The following EPB41 variants were observed in gnomAD, a reference collection of about 807,000 sequenced individuals.
EPB41 encodes protein 4.1.
A neutral mutation model predicts 108.0 loss-of-function variants in EPB41; 65 were observed. That is an observed-to-expected ratio of 0.60 (90% CI 0.49 to 0.74). The LOEUF (loss-of-function observed/expected upper bound fraction) is 0.74, where lower values mean the gene tolerates loss of function less well. Ranked by LOEUF, EPB41 falls within the 30% of genes least tolerant of loss-of-function variation. The pLI, the probability that EPB41 is intolerant of heterozygous loss-of-function variation, is 0.00. For synonymous variants in EPB41, 336 were observed against 358.9 expected (o/e 0.94, Z 0.72); for missense variants, 875 against 1,037.0 (o/e 0.84, Z 2.15).
At chr1:28,929,843 CTTTTTTTTT>C (rs56337991) in intron 1 of EPB41, among the ~76,000 whole-genome samples, 21 of 101,872 alleles carry the variant, frequency 2.1e-4, no homozygotes, top group South Asian at 6.7e-4. Context: ...ACTGGGCCTT[CTTTTTTTTT>C]TTTTTTTTTT....
At chr1:29,096,740 C>T (rs1310504181) in intron 16 of EPB41, 2 of 280,942 alleles carry the variant, frequency 7.1e-6, no homozygotes, top group Admixed American at 6.5e-5. Flanking sequence ...GACTAAAAGC[C>T]TTTGATTGTG....
intron 15 of EPB41, among the ~76,000 whole-genome samples, chr1:29,064,049 T>C (rs1482187286): frequency 6.6e-6 from 1 of 152,114 alleles, no homozygotes; most frequent in Non-Finnish European, 1.5e-5. Flanking sequence ...TCAAATTTGC[T>C]AGGATATATA....
chr1:29,039,350 T>C lies in EPB41; in HGVS notation c.1560T>C (p.Ala520=), dbSNP rs776114250. 4 of 1,614,172 alleles carry C rather than the reference T, an allele frequency of 2.5e-6. No homozygotes were observed. The Admixed American group carries it at 6.7e-5, about 27-fold the overall frequency. Residue 520 remains alanine (A), a synonymous_variant, in exon 11 of 21, where the codon GCT becomes GCC. Coordinates refer to ENST00000343067, the MANE Select transcript of EPB41 (RefSeq NM_001376013.1). ...GGACTCAAGCTCAGACCAGGCAAGCTAGTGCTCTAATTGACAGGCCTGCCC... is the reference window on the plus strand; with the variant it reads ...GGACTCAAGCTCAGACCAGGCAAGCCAGTGCTCTAATTGACAGGCCTGCCC... ...SGRTQAQTRQ[A]SALIDRPAPH...
intron 4 of EPB41, among the ~76,000 whole-genome samples, chr1:29,000,476 A>T (rs922803416): frequency 2.0e-5 from 3 of 152,252 alleles, no homozygotes; most frequent in African/African-American, 7.2e-5. Flanking sequence ...AAGTGTTGTT[A>T]AAAGTGCTTA....
intron 15 of EPB41, among the ~76,000 whole-genome samples, chr1:29,064,066 A>G (rs1220904579): frequency 6.6e-6 from 1 of 152,164 alleles, no homozygotes; most frequent in East Asian, 1.9e-4. Context: ...TATACCTACT[A>G]TATACCCACA....
At chr1:28,913,741 G>A (rs1039762447), upstream of EPB41, among the ~76,000 whole-genome samples, 1 of 152,170 alleles carries the variant, frequency 6.6e-6, no homozygotes, top group Admixed American at 6.5e-5. Flanking sequence ...TGCACTGTGG[G>A]TCCGAAGCCT....
At position 28,925,875 on chromosome 1, in the gene EPB41, C is replaced by T. The variant is rs78513137; in HGVS notation, c.-8+11107C>T. 7.2e-3 allele frequency among the ~76,000 whole-genome samples: 1,090 copies of T among 152,076 alleles called. 13 individuals carry two copies. Among genetic ancestry groups the T allele is most frequent in the African/African-American group, 0.026 (1,058 of 41,464 alleles). ...ATTTTGAGCAGAGGAATGGCACGAT[C>T]CTTCATTTAGTACATGTTAAGTGAG... On this transcript the variant is annotated intron_variant, in intron 1 of 20. Coordinates refer to ENST00000343067, the MANE Select transcript of EPB41 (RefSeq NM_001376013.1).
At chr1:29,036,038 G>A in intron 10 of EPB41, 115 bp downstream of exon 10, 1 of 776,532 alleles carries the variant, frequency 1.3e-6, no homozygotes, top group South Asian at 1.6e-5. Flanking sequence ...TTTAGCTCAG[G>A]TGAGATCATC....
chr1:29,061,354 C>G (rs1646486502), intron 15 of EPB41, among the ~76,000 whole-genome samples: 1 of 152,026 alleles, frequency 6.6e-6, no homozygotes, highest in African/African-American at 2.4e-5. Context: ...ACTGCAAGCT[C>G]CGCTTCCCGG....
chr1:29,084,869 A>G (rs982755605), intron 16 of EPB41, among the ~76,000 whole-genome samples: 2 of 152,128 alleles, frequency 1.3e-5, no homozygotes, highest in Non-Finnish European at 2.9e-5. Flanking sequence ...CTAAAATATA[A>G]TGAGGACCTG....
rs1671257483 is a variant in EPB41 at position 29,117,912 on chromosome 1, G to A, written c.*1100G>A. 6.6e-6 allele frequency: 1 copy of A among 152,494 alleles called. No homozygotes were observed. The highest frequency in any genetic ancestry group is 1.5e-5 in the Non-Finnish European group (1 of 68,048). The allele number at this position is 152,494 out of a possible 1,614,324, so 9.4% of individuals were successfully genotyped here. ...TTCTAGAGCAAGGAATTGACTTTTAGGAGCCGTTCTCCCCACAAGACACCA... is the reference window on the plus strand; with the variant it reads ...TTCTAGAGCAAGGAATTGACTTTTAAGAGCCGTTCTCCCCACAAGACACCA... On this transcript the variant is annotated 3_prime_UTR_variant, in exon 21 of 21. Coordinates refer to ENST00000343067, the MANE Select transcript of EPB41 (RefSeq NM_001376013.1).
At chr1:28,953,969 C>G (rs1216230483) in intron 1 of EPB41, among the ~76,000 whole-genome samples, 2 of 152,158 alleles carry the variant, frequency 1.3e-5, no homozygotes, top group Non-Finnish European at 2.9e-5. Flanking sequence ...GGGGACCACA[C>G]TTTGAGAACT....
intron 11 of EPB41, among the ~76,000 whole-genome samples, chr1:29,044,174 C>G (rs1046039697): frequency 6.6e-6 from 1 of 152,128 alleles, no homozygotes; most frequent in Non-Finnish European, 1.5e-5. Context: ...GGGGAATTAT[C>G]TTTTTATCCC....
At chr1:29,023,171 T>A (rs1042859407) in intron 7 of EPB41, among the ~76,000 whole-genome samples, 1 of 151,636 alleles carries the variant, frequency 6.6e-6, no homozygotes, top group Admixed American at 6.6e-5. Flanking sequence ...ACTTTTGTAT[T>A]TTTAGCAGAG....
chr1:29,060,540 T>C, intron 15 of EPB41, 56 bp downstream of exon 15: 1 of 1,460,282 alleles, frequency 6.8e-7, no homozygotes, highest in Non-Finnish European at 9.6e-7. Flanking sequence ...TCTGCATTCT[T>C]TGCTGATCCC....
In EPB41 at chr1:28,899,926, C is replaced by T. The variant is rs545707751; in HGVS notation, c.-8+12716C>T. 2.0e-5 allele frequency among the ~76,000 whole-genome samples: 3 copies of T among 152,270 alleles called. No homozygotes were observed. The East Asian group carries it at 5.8e-4, about 29-fold the overall frequency. ...TGAGACCTCTAGCAAGTTGTTTTAC[C>T]TAAGTGAGCTTCAGTTTTTTCCCCT... On this transcript the variant is annotated intron_variant, in intron 1 of 16. Coordinates refer to the EPB41 transcript ENST00000347529.
chr1:28,967,810 CT>C (rs1278947795), intron 1 of EPB41, among the ~76,000 whole-genome samples: 136 of 121,160 alleles, frequency 1.1e-3, no homozygotes, highest in Middle Eastern at 4.4e-3. Context: ...TGGGCCTTGT[CT>C]TTTTTTTTTT....
intron 1 of EPB41, among the ~76,000 whole-genome samples, chr1:28,920,469 T>G (rs1467947336): frequency 6.6e-6 from 1 of 152,170 alleles, no homozygotes; most frequent in Non-Finnish European, 1.5e-5. Context: ...CAACATAGAC[T>G]GAGGTTTTGG....
At chr1:29,022,422 A>G (rs962931176) in intron 7 of EPB41, among the ~76,000 whole-genome samples, 2 of 151,384 alleles carry the variant, frequency 1.3e-5, no homozygotes, top group African/African-American at 4.8e-5. Context: ...TTAGTGTAAT[A>G]CCAGAAAAGA....
Sources: gnomAD v4.1 joint callset for allele counts (sites outside exome capture counted in the v4.1 genomes callset) on GRCh38, gnomAD v4.1.1 for gene constraint, MANE v1.5 for transcripts, NCBI Gene and HGNC (gene_info 2026-07-23, HGNC 2026-07-21) for gene names.